Variants in ADAMTS15 observed in about 807,000 individuals in gnomAD.
The protein encoded by ADAMTS15 is ADAM metallopeptidase with thrombospondin type 1 motif 15.
ADAMTS15 carries 35 observed loss-of-function variants against 79.1 expected under a neutral mutation model. That is an observed-to-expected ratio of 0.44 (90% CI 0.34 to 0.59). ADAMTS15 has a LOEUF of 0.59. ADAMTS15 is among the 20% of genes least tolerant of loss of function. The pLI, the probability that ADAMTS15 is intolerant of heterozygous loss-of-function variation, is 0.02. For synonymous variants in ADAMTS15, 616 were observed against 567.3 expected (o/e 1.09, Z -1.22); for missense variants, 1,324 against 1,318.7 (o/e 1.00, Z -0.06).
chr11:130,462,590 C>T lies in ADAMTS15; in HGVS notation c.1352C>T (p.Ala451Val). ...ACCCTGAGCCAGCAGTGCGAGCTGG[C>T]TTTTGGCGTGGGCTCCAAGCCCTGT... ...SYTLSQQCEL[A>V]FGVGSKPCPY... Residue 451 changes from alanine to valine, a missense_variant, in exon 4 of 8, where the codon GCT becomes GTT. By Grantham distance (64) the Ala-to-Val change is moderately conservative. Coordinates refer to ENST00000299164, the MANE Select transcript of ADAMTS15 (RefSeq NM_139055.4). The surrounding 1 kb of genome is among the most constrained non-coding windows in gnomAD (Gnocchi z 4.3). 1.9e-6 allele frequency: 3 copies of T among 1,613,778 alleles called. No individual in the cohort carries two copies. The highest frequency in any genetic ancestry group is 2.5e-6 in the Non-Finnish European group (3 of 1,179,844).
rs745888653 is a variant in ADAMTS15 at position 130,450,644 on chromosome 11, CTG to C, written c.957+716_957+717del. Among the ~76,000 whole-genome samples the C allele has an allele frequency of 2.6e-5, 4 of 152,314 alleles. No individual in the cohort carries two copies. The East Asian group carries it at 7.7e-4, about 29-fold the overall frequency. ...TTAGGGCACCTGTTTGGAGCTGAGA[CTG>C]TTTCACTTGGAGTTTCAAGTGGAGT... is the stretch of plus-strand genomic sequence containing the variant. On this transcript the variant is annotated intron_variant, in intron 1 of 7. Transcript: ENST00000299164.
chr11:130,465,203 G>A (rs1938276812), intron 4 of ADAMTS15, among the ~76,000 whole-genome samples: 1 of 151,938 alleles, frequency 6.6e-6, no homozygotes, highest in African/African-American at 2.4e-5. Flanking sequence ...CCCGACGGGG[G>A]AAAAAACCAA....
chr11:130,468,492 G>GC (rs775254383), intron 4 of ADAMTS15, among the ~76,000 whole-genome samples: 2 of 152,000 alleles, frequency 1.3e-5, no homozygotes, highest in Admixed American at 6.6e-5. Context: ...AAGGCCGGGC[G>GC]CGGTGGCTCA....
chr11:130,465,624 A>G (rs1938284222), intron 4 of ADAMTS15, among the ~76,000 whole-genome samples: 1 of 151,812 alleles, frequency 6.6e-6, no homozygotes, highest in Non-Finnish European at 1.5e-5. Flanking sequence ...GACTGACATC[A>G]TTTCTCCAAA....
rs1565397651 is a variant in ADAMTS15, at chr11:130,470,156, A to ATATATATATATATATATATATGTG, written c.1720+738_1720+739insGTGTATATATATATATATATATAT. On this transcript the variant is annotated intron_variant, in intron 5 of 7. Coordinates refer to ENST00000299164, the MANE Select transcript of ADAMTS15 (RefSeq NM_139055.4). ...TACATATATATATATATATATGTGT[A>ATATATATATATATATATATATGTG]TATATATATATATATATATATATAT... Among the ~76,000 whole-genome samples the ATATATATATATATATATATATGTG allele has an allele frequency of 3.2e-3, 140 of 44,398 alleles. 5 individuals are homozygous for ATATATATATATATATATATATGTG. The highest frequency in any genetic ancestry group is 9.7e-3 in the African/African-American group (102 of 10,536). The allele number at this position is 44,398 out of a possible 152,430, so 29.1% of individuals were successfully genotyped here. A position where few individuals can be genotyped will look rare whatever the true frequency, so the allele number is the denominator to read the frequency against.
In ADAMTS15 at chr11:130,471,068, T is replaced by G. The variant is rs755615911; in HGVS notation, c.1869T>G (p.Asn623Lys). The G allele has an allele frequency of 6.2e-7, 1 of 1,614,078 alleles. No individual in the cohort carries two copies. The highest frequency in any genetic ancestry group is 8.5e-7 in the Non-Finnish European group (1 of 1,180,006). ...RDKCKLICRA[N>K]GTGYFYVLAP... ...AGTGCAAGCTCATCTGCCGAGCCAA[T>G]GGCACTGGCTACTTCTATGTGCTGG... is the stretch of plus-strand genomic sequence containing the variant. Residue 623 changes from asparagine (N) to lysine (K), a missense_variant, in exon 6 of 8, where the codon AAT (asparagine) becomes AAG (lysine). Coordinates refer to ENST00000299164, the MANE Select transcript of ADAMTS15 (RefSeq NM_139055.4).
intron 4 of ADAMTS15, 70 bp from the exon 5 acceptor site, chr11:130,469,192 T>A (rs1259321694): frequency 1.1e-5 from 15 of 1,322,468 alleles, no homozygotes; most frequent in Non-Finnish European, 1.5e-5. Context: ...ACAGTGTAGT[T>A]TTCTATGGGC....
intron 4 of ADAMTS15, among the ~76,000 whole-genome samples, chr11:130,466,758 C>T (rs566066456): frequency 6.6e-5 from 10 of 152,316 alleles, no homozygotes; most frequent in Middle Eastern, 3.4e-3. Flanking sequence ...GGCTTTGCCC[C>T]GGCTCCCATT....
chr11:130,468,269 G>A lies in ADAMTS15; in HGVS notation c.1543-993G>A, dbSNP rs186655995. Reference sequence around the variant, plus strand: ...AACCCATTTTTGCAAGTGAAGCACCGGAAAGCTAAGGAGGGTTTGCCCGTT... The same window carrying A: ...AACCCATTTTTGCAAGTGAAGCACCAGAAAGCTAAGGAGGGTTTGCCCGTT... On this transcript the variant is annotated intron_variant, in intron 4 of 7. Coordinates refer to ENST00000299164, the MANE Select transcript of ADAMTS15 (RefSeq NM_139055.4). 1.1e-3 allele frequency among the ~76,000 whole-genome samples: 160 copies of A among 152,260 alleles called. 1 individual carries two copies. The highest frequency in any genetic ancestry group is 3.8e-3 in the African/African-American group (156 of 41,554).
intron 1 of ADAMTS15, among the ~76,000 whole-genome samples, chr11:130,454,646 A>G (rs1435606447): frequency 6.6e-6 from 1 of 152,148 alleles, no homozygotes; most frequent in African/African-American, 2.4e-5. Flanking sequence ...CTTGGCCACT[A>G]ACTGGAAACA....
At chr11:130,470,151 T>TATATATATACAC (rs1565397596) in intron 5 of ADAMTS15, among the ~76,000 whole-genome samples, 6 of 56,330 alleles carry the variant, frequency 1.1e-4, no homozygotes, top group African/African-American at 1.6e-4. Context: ...TATATATATA[T>TATATATATACAC]GTGTATATAT....
intron 1 of ADAMTS15, among the ~76,000 whole-genome samples, chr11:130,458,903 T>G (rs1938143259): frequency 6.6e-6 from 1 of 151,704 alleles, no homozygotes; most frequent in Admixed American, 6.6e-5. Context: ...CACTATGCCC[T>G]TGCAAGAGCC....
chr11:130,457,411 C>T (rs1444583439), intron 1 of ADAMTS15, among the ~76,000 whole-genome samples: 1 of 152,018 alleles, frequency 6.6e-6, no homozygotes, highest in Admixed American at 6.6e-5. Context: ...CACTGGTAAA[C>T]AAGCTACTGT....
At chr11:130,459,706 C>A (rs1472508130) in intron 1 of ADAMTS15, among the ~76,000 whole-genome samples, 1 of 152,176 alleles carries the variant, frequency 6.6e-6, no homozygotes, top group African/African-American at 2.4e-5. Context: ...TGGTCACCCT[C>A]GGAATAACTG....
chr11:130,450,326 G>A (rs1217965364), intron 1 of ADAMTS15: 2 of 985,366 alleles, frequency 2.0e-6, no homozygotes, highest in African/African-American at 3.5e-5. Flanking sequence ...TGTATGGGCG[G>A]CTGAGTCTTC....
Position 130,475,001 on chromosome 11 carries a change from G to A in ADAMTS15, c.*1180G>A, listed in dbSNP as rs1329670859. The A allele has an allele frequency of 6.6e-6, 1 of 152,402 alleles. No homozygotes were observed. The highest frequency in any genetic ancestry group is 1.5e-5 in the Non-Finnish European group (1 of 68,174). The allele number at this position is 152,402 out of a possible 1,614,324, so 9.4% of individuals were successfully genotyped here. Reference sequence around the variant, plus strand: ...CATCCTAGGCCTTAGCTTCTCCACTGTTTGCTACCTCAGATTATGCCCTCT... The same window carrying A: ...CATCCTAGGCCTTAGCTTCTCCACTATTTGCTACCTCAGATTATGCCCTCT... On this transcript the variant is annotated 3_prime_UTR_variant, in exon 8 of 8. Transcript: ENST00000299164.
At chr11:130,452,824 T>C (rs1468363821) in intron 1 of ADAMTS15, among the ~76,000 whole-genome samples, 1 of 151,988 alleles carries the variant, frequency 6.6e-6, no homozygotes, top group African/African-American at 2.4e-5. Context: ...CTACTAAATA[T>C]ACAAAAATTA....
At chr11:130,459,688 G>C (rs920700789) in intron 1 of ADAMTS15, among the ~76,000 whole-genome samples, 4 of 152,222 alleles carry the variant, frequency 2.6e-5, no homozygotes, top group African/African-American at 9.7e-5. Flanking sequence ...GTGCACCCGG[G>C]TTCAGGCTGG....
intron 1 of ADAMTS15, among the ~76,000 whole-genome samples, chr11:130,458,201 T>C (rs531010091): frequency 6.6e-6 from 1 of 152,208 alleles, no homozygotes; most frequent in East Asian, 1.9e-4. Flanking sequence ...TTCAATCTGG[T>C]CTAGCGGTTT....
Sources: allele counts gnomAD v4.1 joint callset (sites outside exome capture counted in the v4.1 genomes callset), GRCh38; gene constraint gnomAD v4.1.1; non-coding constraint Gnocchi (gnomAD v3.1); transcripts MANE v1.5; gene names NCBI Gene and HGNC (gene_info 2026-07-23, HGNC 2026-07-21).